Variants in ANKRD36 observed in about 807,000 individuals in gnomAD.
ANKRD36 encodes ankyrin repeat domain 36.
A neutral mutation model predicts 278.1 loss-of-function variants in ANKRD36; 179 were observed. The observed-to-expected ratio is 0.64, with a 90% CI of 0.57 to 0.73. The LOEUF is 0.73. ANKRD36 is among the 30% of genes least tolerant of loss of function. The pLI, the probability that ANKRD36 is intolerant of heterozygous loss-of-function variation, is 0.00. For missense variants in ANKRD36, 1,159 were observed against 1,956.7 expected (o/e 0.59, Z 7.69); for synonymous variants, 320 against 641.1 (o/e 0.50, Z 7.57).
intron 48 of ANKRD36, among the ~76,000 whole-genome samples, chr2:97,203,447 A>G (rs1451006373): frequency 6.6e-6 from 1 of 151,862 alleles, no homozygotes; most frequent in Non-Finnish European, 1.5e-5. Context: ...AGGCTAAACT[A>G]GTGGATACAA....
chr2:97,210,543 G>C (rs569013182), intron 56 of ANKRD36, among the ~76,000 whole-genome samples: 2 of 151,924 alleles, frequency 1.3e-5, no homozygotes, highest in East Asian at 3.9e-4. Context: ...ACTAGGAGGC[G>C]TCAGAGATAC....
intron 6 of ANKRD36, among the ~76,000 whole-genome samples, chr2:97,130,454 G>T (rs1375649688): frequency 7.8e-6 from 1 of 128,716 alleles, no homozygotes; most frequent in Non-Finnish European, 1.6e-5. Context: ...TGTGGGGTGG[G>T]GGGAGGGGGG....
intron 1 of ANKRD36, among the ~76,000 whole-genome samples, chr2:97,116,266 TTATG>T (rs1317602661): frequency 6.6e-6 from 1 of 152,022 alleles, no homozygotes. Context: ...ATTTTATTAT[TTATG>T]TCTTTGTTTG....
At chr2:97,136,272 G>A (rs1359782290) in intron 6 of ANKRD36, among the ~76,000 whole-genome samples, 1 of 150,372 alleles carries the variant, frequency 6.7e-6, no homozygotes, top group Non-Finnish European at 1.5e-5. Context: ...ATACATGGAT[G>A]TTCCCAGAGG....
chr2:97,220,729 C>CTT lies in ANKRD36; in HGVS notation c.3877+1500_3877+1501dup. 4.2e-3 allele frequency among the ~76,000 whole-genome samples: 282 copies of CTT among 66,426 alleles called. 2 individuals carry two copies. The highest frequency in any genetic ancestry group is 0.023 in the South Asian group (33 of 1,450). The allele number at this position is 66,426 out of a possible 152,430, so 43.6% of individuals were successfully genotyped here. On this transcript the variant is annotated intron_variant, in intron 66 of 75. Coordinates refer to ENST00000420699, the MANE Select transcript of ANKRD36 (RefSeq NM_001354587.1). ...CTCTTTTATAATACTGATTTTCTTG[C>CTT]TTTTTTTTTTTTTTTTTTAATTTTT...
intron 24 of ANKRD36, among the ~76,000 whole-genome samples, chr2:97,180,240 A>G (rs1468454980): frequency 1.3e-5 from 2 of 151,636 alleles, no homozygotes; most frequent in Non-Finnish European, 2.9e-5. Flanking sequence ...GTTTCCATCA[A>G]GAGGGAAAAG....
intron 44 of ANKRD36, among the ~76,000 whole-genome samples, chr2:97,199,321 T>C (rs1382202056): frequency 1.3e-5 from 2 of 151,912 alleles, no homozygotes; most frequent in East Asian, 3.9e-4. Flanking sequence ...TTCTTGTTAC[T>C]AGGAGGCCTC....
intron 44 of ANKRD36, 90 bp from the exon 45 acceptor site, chr2:97,200,244 G>A (rs2060968012): frequency 6.3e-7 from 1 of 1,597,814 alleles, no homozygotes. Context: ...ACAAGCAGGA[G>A]GACAGAGGTT....
chr2:97,190,904 A>G (rs1459849710), intron 34 of ANKRD36, 74 bp from the exon 35 acceptor site: 1 of 1,572,146 alleles, frequency 6.4e-7, no homozygotes, highest in Non-Finnish European at 8.7e-7. Flanking sequence ...GCTGGATGCT[A>G]ACACTGTGTG....
chr2:97,161,295 G>T (rs1269245690), intron 17 of ANKRD36, among the ~76,000 whole-genome samples: 1 of 151,658 alleles, frequency 6.6e-6, no homozygotes, highest in Non-Finnish European at 1.5e-5. Flanking sequence ...CAAGAAAGTA[G>T]CAATGAAACA....
In ANKRD36 at chr2:97,181,329, C is replaced by T. The variant is rs551143233; in HGVS notation, c.1736-269C>T. 2.6e-5 allele frequency among the ~76,000 whole-genome samples: 4 copies of T among 151,640 alleles called. No homozygotes were observed. In the East Asian group the frequency reaches 7.8e-4, roughly 30 times the overall value. ...TTGTCCTCATCACTCGGCATATCCA[C>T]ATTGATATTGACACGGTTTTATTTT... On this transcript the variant is annotated intron_variant, in intron 24 of 75. Coordinates refer to ENST00000420699, the MANE Select transcript of ANKRD36 (RefSeq NM_001354587.1).
At chr2:97,183,861 A>G (rs546095672) in intron 28 of ANKRD36, among the ~76,000 whole-genome samples, 16 of 151,812 alleles carry the variant, frequency 1.1e-4, no homozygotes, top group Non-Finnish European at 2.4e-4. Context: ...AGTTCCCTAC[A>G]TTGAATTTGG....
At chr2:97,129,169 C>T (rs1358437494) in intron 6 of ANKRD36, among the ~76,000 whole-genome samples, 1 of 152,052 alleles carries the variant, frequency 6.6e-6, no homozygotes, top group African/African-American at 2.4e-5. Context: ...CATTCTAACT[C>T]TGGTGTGAGA....
chr2:97,231,562 G>A (rs1205194749), intron 67 of ANKRD36, among the ~76,000 whole-genome samples: 1 of 152,102 alleles, frequency 6.6e-6, no homozygotes, highest in African/African-American at 2.4e-5. Flanking sequence ...CTAGGAAAGG[G>A]AACTCCCTGA....
At chr2:97,116,794 G>A (rs906622973) in intron 1 of ANKRD36, among the ~76,000 whole-genome samples, 4 of 151,964 alleles carry the variant, frequency 2.6e-5, no homozygotes, top group African/African-American at 9.7e-5. Context: ...AAATATAAGT[G>A]ATTATCACTA....
At position 97,146,530 on chromosome 2, in the gene ANKRD36, G is replaced by C. The variant is rs1342620976; in HGVS notation, c.1034+14G>C. ...GTGTTTAAACAGGTATGATTTTACA[G>C]ATTTTTTAAAGTGATATGTTAACTT... On this transcript the variant is annotated intron_variant, in intron 11 of 75. Transcript: ENST00000420699. The C allele has an allele frequency of 1.3e-6, 2 of 1,510,728 alleles. No individual in the cohort carries two copies. Among genetic ancestry groups the C allele is most frequent in the Non-Finnish European group, 1.8e-6 (2 of 1,132,096 alleles). 93.6% of individuals were successfully genotyped at this position (1,510,728 alleles called of 1,614,324 possible).
chr2:97,171,722 TA>T (rs1019471002), intron 22 of ANKRD36, among the ~76,000 whole-genome samples: 34 of 133,410 alleles, frequency 2.5e-4, no homozygotes, highest in Admixed American at 4.5e-4. Flanking sequence ...AAGTGTTCTG[TA>T]AAAAAAAAAA....
At chr2:97,203,032 A>G (rs974199699) in intron 48 of ANKRD36, among the ~76,000 whole-genome samples, 1 of 151,822 alleles carries the variant, frequency 6.6e-6, no homozygotes, top group Non-Finnish European at 1.5e-5. Context: ...ATAGAAACAC[A>G]CTGACTCATT....
intron 22 of ANKRD36, among the ~76,000 whole-genome samples, chr2:97,177,362 A>C (rs1033588643): frequency 6.6e-6 from 1 of 151,972 alleles, no homozygotes; most frequent in African/African-American, 2.4e-5. Flanking sequence ...AAGAGCCCAC[A>C]TCGCCAAGTC....
Sources: allele counts gnomAD v4.1 joint callset (sites outside exome capture counted in the v4.1 genomes callset), GRCh38; gene constraint gnomAD v4.1.1; transcripts MANE v1.5; gene names NCBI Gene and HGNC (gene_info 2026-07-23, HGNC 2026-07-21).